Variants in PRR5 observed in about 807,000 individuals in gnomAD.
The protein encoded by PRR5 is proline rich 5.
A neutral mutation model predicts 30.6 loss-of-function variants in PRR5; 25 were observed. That is an observed-to-expected ratio of 0.82 (90% confidence interval 0.60 to 1.14). The LOEUF (loss-of-function observed/expected upper bound fraction) is 1.14. PRR5 is among the 50% of genes most tolerant of loss of function. PRR5 has a pLI of 0.00. For synonymous variants in PRR5, 286 were observed against 247.1 expected (o/e 1.16, Z -1.48); for missense variants, 600 against 547.1 (o/e 1.10, Z -0.96).
chr22:44,734,981 A>G (rs2147188092), intron 6 of PRR5, 46 bp from the exon 7 acceptor site: 1 of 1,580,434 alleles, frequency 6.3e-7, no homozygotes. Flanking sequence ...TGGAGCCACC[A>G]AGCTCGGGTG....
chr22:44,702,130 C>G, upstream of PRR5: 1 of 213,280 alleles, frequency 4.7e-6, no homozygotes, highest in Non-Finnish European at 8.4e-6. Flanking sequence ...GCCCGCGATG[C>G]CCCCGCCCCC....
In PRR5 at chr22:44,715,568, G is replaced by A. The variant is rs980738952; in HGVS notation, c.215+897G>A. 4.6e-5 allele frequency among the ~76,000 whole-genome samples: 7 copies of A among 152,132 alleles called. No individual in the cohort carries two copies. The South Asian group carries it at 1.2e-3, about 27-fold the overall frequency. ...TCTGGCTTATCTGGCCCACCCCTGG[G>A]TGGGGCTCTGGGAGCTCATTTTCCT... On this transcript the variant is annotated intron_variant, in intron 2 of 7. Coordinates refer to ENST00000336985, the MANE Select transcript of PRR5 (RefSeq NM_181333.4).
At chr22:44,714,016 G>A (rs1308031498) in intron 1 of PRR5, among the ~76,000 whole-genome samples, 1 of 151,728 alleles carries the variant, frequency 6.6e-6, no homozygotes, top group African/African-American at 2.4e-5. Context: ...TGTTCGCCAG[G>A]ATGATCTCGA....
intron 4 of PRR5, chr22:44,730,273 A>G (rs1921705111): frequency 1.0e-6 from 1 of 985,016 alleles, no homozygotes; most frequent in South Asian, 4.7e-5. Context: ...CCTGAGAGAC[A>G]GCCGGCAACG....
rs1452523308 is a variant in PRR5, at chr22:44,732,358, C to T, written c.522C>T (p.Pro174=). The T allele has an allele frequency of 6.2e-7, 1 of 1,611,150 alleles. No homozygotes were observed. Residue 174 remains proline (P), a synonymous_variant, in exon 6 of 8, where the codon CCC becomes CCT. Transcript: ENST00000336985. ...TGGCCCGGGCCCATGCCCGTGTGCC[C>T]CCTGCCATCGTGCAGATGCTGCTGG... ...DALARAHARV[P]PAIVQMLLVL...
At chr22:44,674,449 A>G (rs918369550), upstream of PRR5, among the ~76,000 whole-genome samples, 10 of 152,082 alleles carry the variant, frequency 6.6e-5, no homozygotes, top group Non-Finnish European at 1.3e-4. Context: ...CAGGCCGGGT[A>G]CGGTGGCTCA....
intron 1 of PRR5, among the ~76,000 whole-genome samples, chr22:44,680,301 T>C (rs966456874): frequency 6.6e-6 from 1 of 152,102 alleles, no homozygotes; most frequent in African/African-American, 2.4e-5. Flanking sequence ...ACCTGCCCCG[T>C]GGCTTCCTGT....
chr22:44,730,290 T>G, intron 4 of PRR5: 1 of 985,260 alleles, frequency 1.0e-6, no homozygotes, highest in Non-Finnish European at 1.2e-6. Context: ...AACGCTTCCC[T>G]CTTCACTCAG....
intron 2 of PRR5, among the ~76,000 whole-genome samples, chr22:44,718,324 A>T (rs572119884): frequency 1.1e-4 from 16 of 147,978 alleles, no homozygotes; most frequent in African/African-American, 4.0e-4. Context: ...CCTCCCGAGT[A>T]GCTGGGATTA....
At chr22:44,731,014 CTG>C (rs1356170300) in intron 4 of PRR5, 1 of 369,974 alleles carries the variant, frequency 2.7e-6, no homozygotes, top group East Asian at 8.8e-5. Context: ...AGTAGGTGTT[CTG>C]TGTTTGTTGG....
At chr22:44,684,268 C>T (rs916982707) in intron 1 of PRR5, among the ~76,000 whole-genome samples, 2 of 152,192 alleles carry the variant, frequency 1.3e-5, no homozygotes, top group Non-Finnish European at 1.5e-5. Flanking sequence ...GATGGCCAGG[C>T]GCGGTGGCTT....
intron 2 of PRR5, among the ~76,000 whole-genome samples, chr22:44,717,966 C>T (rs1045821144): frequency 2.0e-5 from 3 of 152,142 alleles, no homozygotes; most frequent in Admixed American, 1.3e-4. Flanking sequence ...CCACCTGCCT[C>T]GGCCTCCCAG....
At chr22:44,684,556 G>A (rs541403906) in intron 1 of PRR5, among the ~76,000 whole-genome samples, 110 of 152,288 alleles carry the variant, frequency 7.2e-4, no homozygotes, top group African/African-American at 2.5e-3. Context: ...AAAATGTCCT[G>A]GGGATGATGG....
In PRR5 at chr22:44,735,162, G is replaced by C; in HGVS notation, c.691G>C (p.Glu231Gln). 4 of 1,612,358 alleles carry C rather than the reference G, an allele frequency of 2.5e-6. No homozygotes were observed. Among genetic ancestry groups the C allele is most frequent in the Non-Finnish European group, 3.4e-6 (4 of 1,179,688 alleles). Residue 231 changes from glutamate (E) to glutamine (Q), a missense_variant and splice_region_variant, in exon 7 of 8, where the codon GAA becomes CAA. By Grantham distance (29) the Glu-to-Gln change is conservative. Coordinates refer to ENST00000336985, the MANE Select transcript of PRR5 (RefSeq NM_181333.4). ...GCCCTTCACCCATTCCTGCATCCTGGGTAGGGGTCCGCCTGGGCCTTGGGC... is the reference window on the plus strand; with the variant it reads ...GCCCTTCACCCATTCCTGCATCCTGCGTAGGGGTCCGCCTGGGCCTTGGGC... ...EGPFTHSCIL[E>Q]KRLLRRSRSG...
intron 6 of PRR5, 190 bp from the exon 7 acceptor site, chr22:44,734,818 TGCTGTGAGCAGCAGAGTGA>T: frequency 1.5e-6 from 1 of 660,336 alleles, no homozygotes; most frequent in Non-Finnish European, 2.5e-6. Flanking sequence ...ATCCCGACGC[TGCTGTGAGCAGCAGAGTGA>T]CTCAGGCCAC....
At chr22:44,710,909 C>T (rs934396967) in intron 1 of PRR5, among the ~76,000 whole-genome samples, 7 of 152,148 alleles carry the variant, frequency 4.6e-5, no homozygotes, top group Non-Finnish European at 8.8e-5. Flanking sequence ...GCAGGGCGTG[C>T]TGACCTTACA....
intron 1 of PRR5, among the ~76,000 whole-genome samples, chr22:44,686,176 A>C (rs762391291): frequency 6.6e-5 from 10 of 152,054 alleles, no homozygotes; most frequent in Non-Finnish European, 1.2e-4. Context: ...CCTTGAACCC[A>C]GGAGAGAGAG....
chr22:44,684,293 G>A (rs1439276524), intron 1 of PRR5, among the ~76,000 whole-genome samples: 4 of 152,080 alleles, frequency 2.6e-5, no homozygotes, highest in Non-Finnish European at 4.4e-5. Context: ...CTGTAATCCC[G>A]GCACTTTGGG....
intron 1 of PRR5, among the ~76,000 whole-genome samples, chr22:44,685,546 C>A (rs1360705487): frequency 6.9e-6 from 1 of 145,710 alleles, no homozygotes; most frequent in African/African-American, 2.8e-5. Context: ...GAAAGCCACA[C>A]CCCTCTCGCC....
Sources: gnomAD v4.1 joint callset for allele counts (sites outside exome capture counted in the v4.1 genomes callset) on GRCh38, gnomAD v4.1.1 for gene constraint, MANE v1.5 for transcripts, NCBI Gene and HGNC (gene_info 2026-07-23, HGNC 2026-07-21) for gene names.